The following EVI5 variants were observed in gnomAD, a reference collection of about 807,000 sequenced individuals.
The protein encoded by EVI5 is ecotropic viral integration site 5.
A neutral mutation model predicts 112.0 loss-of-function variants in EVI5; 73 were observed. That is an observed-to-expected ratio of 0.65 (90% CI 0.54 to 0.79). The LOEUF (loss-of-function observed/expected upper bound fraction) is 0.79. Among genes scored for constraint, EVI5 ranks in the 30% least tolerant of loss-of-function variants. The pLI, the probability that EVI5 is intolerant of heterozygous loss-of-function variation, is 0.00. For synonymous variants in EVI5, 305 were observed against 319.9 expected, an observed-to-expected ratio of 0.95 and a Z score of 0.50; for missense variants, 900 against 968.8, an observed-to-expected ratio of 0.93 and a Z score of 0.94.
Position 92,687,119 on chromosome 1 carries a change from A to T in EVI5, c.1097+6683T>A, listed in dbSNP as rs536949211. Among the ~76,000 whole-genome samples, 4 of 152,340 alleles carry T rather than the reference A, an allele frequency of 2.6e-5. No homozygotes were observed. In the South Asian group the frequency reaches 8.3e-4, roughly 32 times the overall value. ...CAAAAAGAACAAAGCTGGAGGCATC[A>T]CGCTACCTGACTTCAAACTATACTA... On this transcript the variant is annotated intron_variant, in intron 9 of 19. Coordinates refer to ENST00000684568, the MANE Select transcript of EVI5 (RefSeq NM_001350197.2).
intron 19 of EVI5, among the ~76,000 whole-genome samples, chr1:92,545,619 A>G (rs865804544): frequency 1.3e-5 from 2 of 152,286 alleles, no homozygotes; most frequent in Middle Eastern, 3.4e-3. Flanking sequence ...ACAATCCCAA[A>G]CGATTTTTAA....
chr1:92,532,313 T>G (rs898658889), intron 19 of EVI5, among the ~76,000 whole-genome samples: 1 of 152,126 alleles, frequency 6.6e-6, no homozygotes, highest in Non-Finnish European at 1.5e-5. Context: ...CAAAGAGACT[T>G]AGACTCCTAC....
At chr1:92,698,045 A>G in intron 5 of EVI5, 60 bp from the exon 6 acceptor site, 1 of 1,498,074 alleles carries the variant, frequency 6.7e-7, no homozygotes, top group South Asian at 1.2e-5. Context: ...AAATAAACCA[A>G]TGATATTTAA....
At chr1:92,725,771 T>C (rs899801332) in intron 2 of EVI5, among the ~76,000 whole-genome samples, 2 of 147,964 alleles carry the variant, frequency 1.4e-5, no homozygotes, top group Admixed American at 6.7e-5. Context: ...GCATAACCAA[T>C]AATGAGGTGG....
intron 1 of EVI5, among the ~76,000 whole-genome samples, chr1:92,779,393 G>A (rs1250216018): frequency 1.3e-5 from 2 of 152,014 alleles, no homozygotes; most frequent in African/African-American, 4.8e-5. Context: ...CATGATGGCA[G>A]ATGCCTGTAA....
At position 92,662,868 on chromosome 1, in the gene EVI5, T is replaced by C; in HGVS notation, c.1246-3A>G. 1 of 1,277,692 alleles carries C rather than the reference T, an allele frequency of 7.8e-7. No homozygotes were observed. The highest frequency in any genetic ancestry group is 1.0e-6 in the Non-Finnish European group (1 of 985,076). 79.1% of individuals were successfully genotyped at this position (1,277,692 alleles called of 1,614,324 possible). ...TCCTGGGCTCTTGTCACTTGTCCCTTAGGACATAATTTTTGTGTGTGTAAA... is the reference window on the plus strand; with the variant it reads ...TCCTGGGCTCTTGTCACTTGTCCCTCAGGACATAATTTTTGTGTGTGTAAA... On this transcript the variant is annotated splice_polypyrimidine_tract_variant and splice_region_variant and intron_variant, in intron 12 of 19. Coordinates refer to ENST00000684568, the MANE Select transcript of EVI5 (RefSeq NM_001350197.2).
intron 19 of EVI5, among the ~76,000 whole-genome samples, chr1:92,536,710 G>T (rs1055585860): frequency 3.3e-5 from 5 of 152,122 alleles, no homozygotes; most frequent in Admixed American, 6.6e-5. Context: ...TTAAATGTAG[G>T]TTCTTTATAA....
chr1:92,613,406 C>T (rs1652332930), intron 16 of EVI5, among the ~76,000 whole-genome samples: 1 of 152,108 alleles, frequency 6.6e-6, no homozygotes, highest in African/African-American at 2.4e-5. Context: ...TCAAGTGATT[C>T]TCCTCCCTCA....
intron 6 of EVI5, among the ~76,000 whole-genome samples, chr1:92,697,092 T>A (rs1186273256): frequency 6.6e-6 from 1 of 151,854 alleles, no homozygotes; most frequent in Non-Finnish European, 1.5e-5. Flanking sequence ...ATTTTACATA[T>A]CCCCTTGCTC....
chr1:92,681,889 C>T (rs1439827312), intron 9 of EVI5, among the ~76,000 whole-genome samples: 1 of 152,148 alleles, frequency 6.6e-6, no homozygotes, highest in Non-Finnish European at 1.5e-5. Flanking sequence ...TGGCATTGCT[C>T]TAAATACCCC....
At chr1:92,614,117 C>T (rs1013816118) in intron 16 of EVI5, among the ~76,000 whole-genome samples, 11 of 152,184 alleles carry the variant, frequency 7.2e-5, no homozygotes, top group Non-Finnish European at 1.5e-4. Flanking sequence ...CTATGGTGCA[C>T]TGATGATACC....
chr1:92,685,451 A>T (rs545296412), intron 9 of EVI5, among the ~76,000 whole-genome samples: 26 of 152,294 alleles, frequency 1.7e-4, no homozygotes, highest in African/African-American at 6.0e-4. Flanking sequence ...GAGAAAGCAG[A>T]AAAGATCTAA....
chr1:92,738,859 CTT>C (rs1181249379), intron 1 of EVI5, among the ~76,000 whole-genome samples: 1 of 152,154 alleles, frequency 6.6e-6, no homozygotes, highest in African/African-American at 2.4e-5. Context: ...CTCTGAATCT[CTT>C]TTCCTCAACC....
At chr1:92,536,475 A>G (rs1663914858) in intron 19 of EVI5, among the ~76,000 whole-genome samples, 1 of 152,232 alleles carries the variant, frequency 6.6e-6, no homozygotes, top group Admixed American at 6.5e-5. Context: ...CACTATTTAT[A>G]AAAGATTACA....
At chr1:92,629,840 C>T (rs4525048) in intron 14 of EVI5, among the ~76,000 whole-genome samples, 97,743 of 136,452 alleles carry the variant, frequency 0.72, 35,677 homozygotes, top group East Asian at 0.94. Flanking sequence ...AAACAGGCCC[C>T]AGGGTGCGAT....
At chr1:92,738,592 A>C (rs932059202) in intron 1 of EVI5, among the ~76,000 whole-genome samples, 1 of 152,196 alleles carries the variant, frequency 6.6e-6, no homozygotes, top group African/African-American at 2.4e-5. Flanking sequence ...TTCGATTTAA[A>C]GAGTCTGAAA....
chr1:92,537,559 A>G (rs951373469), intron 19 of EVI5, among the ~76,000 whole-genome samples: 3 of 152,150 alleles, frequency 2.0e-5, no homozygotes, highest in Non-Finnish European at 4.4e-5. Flanking sequence ...TTCAAAATCT[A>G]AAATAAATGT....
At chr1:92,746,061 C>G (rs1679207876) in intron 1 of EVI5, among the ~76,000 whole-genome samples, 1 of 152,188 alleles carries the variant, frequency 6.6e-6, no homozygotes, top group African/African-American at 2.4e-5. Context: ...CTCAATCAAT[C>G]ACAGCAACCA....
At chr1:92,631,602 G>C (rs1484196162) in intron 14 of EVI5, among the ~76,000 whole-genome samples, 1 of 152,114 alleles carries the variant, frequency 6.6e-6, no homozygotes, top group Admixed American at 6.5e-5. Flanking sequence ...GGATTTTCTA[G>C]ATATACCATC....
Sources: gnomAD v4.1 joint callset for allele counts (sites outside exome capture counted in the v4.1 genomes callset) on GRCh38, gnomAD v4.1.1 for gene constraint, MANE v1.5 for transcripts, NCBI Gene and HGNC (gene_info 2026-07-23, HGNC 2026-07-21) for gene names.